Variants in CHST4 observed in about 807,000 individuals in gnomAD.
CHST4 encodes the protein carbohydrate sulfotransferase 4.
For synonymous variants in CHST4, 171 were observed against 195.5 expected, an observed-to-expected ratio of 0.87 and a Z score of 1.05; for missense variants, 466 against 506.0, an observed-to-expected ratio of 0.92 and a Z score of 0.76.
At position 71,536,262 on chromosome 16, in the gene CHST4, C is replaced by G. The variant is rs555955747; in HGVS notation, c.-18-398C>G. 2.6e-5 allele frequency among the ~76,000 whole-genome samples: 4 copies of G among 152,278 alleles called. No individual in the cohort carries two copies. In the East Asian group the frequency reaches 7.7e-4, roughly 29 times the overall value. On this transcript the variant is annotated intron_variant, in intron 1 of 1. Coordinates refer to ENST00000539698, the MANE Select transcript of CHST4 (RefSeq NM_001166395.2). Reference sequence around the variant, plus strand: ...TCTCTGCAGGAATCACAAGCCATTCCTCCAAGACTTGAGTCAGACTGAGGT... The same window carrying G: ...TCTCTGCAGGAATCACAAGCCATTCGTCCAAGACTTGAGTCAGACTGAGGT...
Position 71,536,841 on chromosome 16 carries a change from C to T in CHST4, c.164C>T (p.Ser55Phe), listed in dbSNP as rs1001345250. The T allele has an allele frequency of 1.3e-6, 2 of 1,545,500 alleles. No homozygotes were observed. The highest frequency in any genetic ancestry group is 2.7e-5 in the African/African-American group (2 of 72,754). Residue 55 changes from serine (S) to phenylalanine (F), a missense_variant, in exon 2 of 2, where the codon TCT becomes TTT. Transcript: ENST00000539698. ...GTTCTGTCTTCCTGGCGCTCTGGCT[C>T]TTCTTTTGTGGGGCAGCTTTTTGGG... is the stretch of plus-strand genomic sequence containing the variant. ...VLVLSSWRSG[S>F]SFVGQLFGQH...
chr16:71,537,998 T>C lies in CHST4; in HGVS notation c.*160T>C. The C allele has an allele frequency of 3.0e-6, 2 of 661,882 alleles. No individual in the cohort carries two copies. Among genetic ancestry groups the C allele is most frequent in the Non-Finnish European group, 5.2e-6 (2 of 381,714 alleles). 41.0% of individuals were successfully genotyped at this position (661,882 alleles called of 1,614,324 possible). On this transcript the variant is annotated 3_prime_UTR_variant, in exon 2 of 2. Coordinates refer to ENST00000539698, the MANE Select transcript of CHST4 (RefSeq NM_001166395.2). This position sits in a 1 kb window ranked among gnomAD's most constrained non-coding sequence, Gnocchi z 4.2. ...ACGTGCTCAAGCAGAAGGACTTTTG[T>C]GTCCATGCTTGTGTCTAGAAAACAG...
intron 1 of CHST4, among the ~76,000 whole-genome samples, chr16:71,528,132 C>T (rs1435420438): frequency 6.6e-6 from 1 of 151,774 alleles, no homozygotes; most frequent in African/African-American, 2.4e-5. Flanking sequence ...AAAAAATTAG[C>T]CAGGTCACTC....
In CHST4 at chr16:71,538,656, A is replaced by G. The variant is rs1269614507; in HGVS notation, c.*818A>G. The G allele has an allele frequency of 2.5e-5, 4 of 163,190 alleles. No individual in the cohort carries two copies. Among genetic ancestry groups the G allele is most frequent in the Admixed American group, 2.0e-4 (3 of 15,290 alleles). 10.1% of individuals were successfully genotyped at this position (163,190 alleles called of 1,614,324 possible). On this transcript the variant is annotated 3_prime_UTR_variant, in exon 2 of 2. Coordinates refer to ENST00000539698, the MANE Select transcript of CHST4 (RefSeq NM_001166395.2). The stretch of plus-strand genomic sequence containing the variant: ...TTGCTATTATCTATCACCCATTTAT[A>G]CAGAAAATTGCTAAGATAATATTTG...
intron 1 of CHST4, among the ~76,000 whole-genome samples, chr16:71,528,872 C>T (rs1404311850): frequency 6.6e-6 from 1 of 152,156 alleles, no homozygotes; most frequent in Non-Finnish European, 1.5e-5. Context: ...CTTGAGGTCA[C>T]CCATCTGGCA....
At position 71,537,941 on chromosome 16, in the gene CHST4, T is replaced by A; in HGVS notation, c.*103T>A. 1 of 1,059,624 alleles carries A rather than the reference T, an allele frequency of 9.4e-7. No individual in the cohort carries two copies. The highest frequency in any genetic ancestry group is 1.4e-6 in the Non-Finnish European group (1 of 724,816). The allele number at this position is 1,059,624 out of a possible 1,614,324, so 65.6% of individuals were successfully genotyped here. On this transcript the variant is annotated 3_prime_UTR_variant, in exon 2 of 2. Transcript: ENST00000539698. The surrounding 1 kb of genome is among the most constrained non-coding windows in gnomAD (Gnocchi z 4.2). ...TCTCTGAGCCTTAACTACATGTCTGTGGGTATCACACTGAGTGTGAGTTGT... is the reference window on the plus strand; with the variant it reads ...TCTCTGAGCCTTAACTACATGTCTGAGGGTATCACACTGAGTGTGAGTTGT...
chr16:71,529,061 GA>G (rs1452365318), intron 1 of CHST4, among the ~76,000 whole-genome samples: 2 of 150,818 alleles, frequency 1.3e-5, no homozygotes, highest in Admixed American at 6.6e-5. Flanking sequence ...GGGTGGTGAT[GA>G]TGGAATGTGC....
chr16:71,527,344 C>T (rs7191509), intron 1 of CHST4, among the ~76,000 whole-genome samples: 5,795 of 152,178 alleles, frequency 0.038, 365 homozygotes, highest in African/African-American at 0.13. Flanking sequence ...TGACCATGGC[C>T]GGTGACACAG....
chr16:71,526,797 G>T (rs778750049), intron 1 of CHST4, among the ~76,000 whole-genome samples: 1 of 152,158 alleles, frequency 6.6e-6, no homozygotes, highest in Non-Finnish European at 1.5e-5. Context: ...CAACTGACTC[G>T]TTCAGATCCT....
Position 71,538,575 on chromosome 16 carries a change from T to C in CHST4, c.*737T>C, listed in dbSNP as rs1213343245. 6.0e-6 allele frequency: 1 copy of C among 167,116 alleles called. No homozygotes were observed. Among genetic ancestry groups the C allele is most frequent in the South Asian group, 2.1e-4 (1 of 4,832 alleles). 10.4% of individuals were successfully genotyped at this position (167,116 alleles called of 1,614,324 possible). ...TATTAGCAGTAAATGTTCATTTTTA[T>C]GGGATCCTAAGCTAAGAATAGATGT... On this transcript the variant is annotated 3_prime_UTR_variant, in exon 2 of 2. Transcript: ENST00000539698.
At chr16:71,531,167 C>G (rs1490170097) in intron 1 of CHST4, among the ~76,000 whole-genome samples, 2 of 152,118 alleles carry the variant, frequency 1.3e-5, no homozygotes, top group African/African-American at 4.8e-5. Flanking sequence ...TCAAAGGCCA[C>G]CCTAGACACA....
chr16:71,534,526 T>G (rs1002076165), intron 1 of CHST4, among the ~76,000 whole-genome samples: 13 of 151,828 alleles, frequency 8.6e-5, no homozygotes, highest in Middle Eastern at 3.2e-3. Flanking sequence ...TCCAGCTAAT[T>G]TTTGTATTTT....
intron 1 of CHST4, among the ~76,000 whole-genome samples, chr16:71,530,223 A>T (rs887435120): frequency 1.3e-5 from 2 of 152,164 alleles, no homozygotes; most frequent in African/African-American, 4.8e-5. Flanking sequence ...TTCAGGGAGA[A>T]GGCAGGTTAG....
rs201260953 is a variant in CHST4, at chr16:71,537,681, G to A, written c.1004G>A (p.Arg335His). 1.4e-5 allele frequency: 22 copies of A among 1,614,100 alleles called. No individual in the cohort carries two copies. Among genetic ancestry groups the A allele is most frequent in the Admixed American group, 1.0e-4 (6 of 60,006 alleles). Residue 335 changes from arginine to histidine, a missense_variant, in exon 2 of 2, where the codon CGC becomes CAC. By Grantham distance (29) the Arg-to-His change is conservative. Coordinates refer to ENST00000539698, the MANE Select transcript of CHST4 (RefSeq NM_001166395.2). This position sits in a 1 kb window ranked among gnomAD's most constrained non-coding sequence, Gnocchi z 4.2. ...RDALNVSQAW[R>H]WSLPYEKVSR... ...GCCCTTAATGTCTCCCAGGCTTGGC[G>A]CTGGTCTTTGCCCTATGAAAAGGTT...
chr16:71,536,627 C>G (rs1567582820), intron 1 of CHST4, 33 bp from the exon 2 acceptor site: 2 of 1,360,082 alleles, frequency 1.5e-6, no homozygotes, highest in African/African-American at 2.9e-5. Flanking sequence ...AAAACAGCAG[C>G]CCAACTCCAC....
rs909866632 is a variant in CHST4, at chr16:71,538,143, A to T, written c.*305A>T. On this transcript the variant is annotated 3_prime_UTR_variant, in exon 2 of 2. Coordinates refer to ENST00000539698, the MANE Select transcript of CHST4 (RefSeq NM_001166395.2). The stretch of plus-strand genomic sequence containing the variant: ...GACTTTGTGGCCTGGAGGCCTATTA[A>T]GCACGACACAGTATCAGTGGAATTG... The T allele has an allele frequency of 1.5e-5, 6 of 390,252 alleles. No individual in the cohort carries two copies. The highest frequency in any genetic ancestry group is 1.5e-3 in the Middle Eastern group (2 of 1,368). The allele number at this position is 390,252 out of a possible 1,614,324, so 24.2% of individuals were successfully genotyped here.
rs560451792 is a variant in CHST4 at position 71,535,677 on chromosome 16, A to C, written c.-18-983A>C. 2.6e-5 allele frequency among the ~76,000 whole-genome samples: 4 copies of C among 152,260 alleles called. No individual in the cohort carries two copies. In the East Asian group the frequency reaches 7.7e-4, roughly 29 times the overall value. ...AGCAGTGTGGGAGTCATGGGCCACA[A>C]GTGTCCCCAGTGAGAGTGATACAGT... On this transcript the variant is annotated intron_variant, in intron 1 of 1. Transcript: ENST00000539698.
At chr16:71,527,720 G>A (rs951207660) in intron 1 of CHST4, among the ~76,000 whole-genome samples, 5 of 151,982 alleles carry the variant, frequency 3.3e-5, no homozygotes, top group African/African-American at 7.2e-5. Context: ...CTCTAGCCTG[G>A]GCAACAAGAG....
chr16:71,537,584 C>T lies in CHST4; in HGVS notation c.907C>T (p.Gln303Ter), dbSNP rs751240118. 9.9e-6 allele frequency: 16 copies of T among 1,614,074 alleles called. No individual in the cohort carries two copies. The African/African-American group carries it at 1.7e-4, about 17-fold the overall frequency. The change falls in exon 2 of 2, where the codon CAG (glutamine) becomes TAG (stop). Residue 303 changes from glutamine to a stop codon, truncating the protein, a stop_gained. Transcript: ENST00000539698. LOFTEE classifies it low-confidence loss of function (END_TRUNC). This position sits in a 1 kb window ranked among gnomAD's most constrained non-coding sequence, Gnocchi z 4.2. ...FVGLEFLPHL[Q>*]TWVHNITRGK... ...GGGATTGGAATTCTTGCCCCATCTT[C>T]AGACCTGGGTGCATAACATCACCCG...
Sources: allele counts gnomAD v4.1 joint callset (sites outside exome capture counted in the v4.1 genomes callset), GRCh38; gene constraint gnomAD v4.1.1; non-coding constraint Gnocchi (gnomAD v3.1); transcripts MANE v1.5; gene names NCBI Gene and HGNC (gene_info 2026-07-23, HGNC 2026-07-21).